The following COP1 variants were observed in gnomAD, a reference collection of about 807,000 sequenced individuals.
COP1 encodes the protein COP1 E3 ubiquitin ligase, also known as E3 ubiquitin-protein ligase COP1.
In COP1, 24 loss-of-function variants were observed where a neutral mutation model predicts 101.3. The ratio of observed to expected loss-of-function variants is 0.24; its 90% CI spans 0.17 to 0.33. COP1 has a LOEUF of 0.33. Among genes scored for constraint, COP1 ranks in the 10% least tolerant of loss-of-function variants. COP1 has a pLI of 1.00. For missense variants in COP1, 663 were observed against 906.2 expected (o/e 0.73, Z 3.45); for synonymous variants, 347 against 341.9 (o/e 1.01, Z -0.17).
At chr1:176,167,202 CTA>C (rs1695278319) in intron 3 of COP1, among the ~76,000 whole-genome samples, 1 of 152,170 alleles carries the variant, frequency 6.6e-6, no homozygotes, top group Non-Finnish European at 1.5e-5. Flanking sequence ...CCTTTCAAAA[CTA>C]TGTCACAGCT....
Position 176,064,804 on chromosome 1 carries a change from TG to T in COP1, c.1277+16347del, listed in dbSNP as rs565737033. 7.6e-3 allele frequency among the ~76,000 whole-genome samples: 1,161 copies of T among 151,918 alleles called. 7 individuals carry two copies. Among genetic ancestry groups the T allele is most frequent in the Non-Finnish European group, 0.014 (959 of 67,906 alleles). ...GGGCCCAGCCAATTTTTGCATTTTT[TG>T]TAGAGATGGAGTTTCACCATGTTGC... is the stretch of plus-strand genomic sequence containing the variant. On this transcript the variant is annotated intron_variant, in intron 11 of 19. Transcript: ENST00000367669.
At chr1:176,063,714 T>C (rs1010371612) in intron 11 of COP1, among the ~76,000 whole-genome samples, 1 of 152,210 alleles carries the variant, frequency 6.6e-6, no homozygotes, top group Non-Finnish European at 1.5e-5. Flanking sequence ...TAGGTTAGCT[T>C]TTGTCTTATT....
intron 11 of COP1, among the ~76,000 whole-genome samples, chr1:176,069,764 C>A (rs1000510842): frequency 6.6e-6 from 1 of 152,176 alleles, no homozygotes; most frequent in African/African-American, 2.4e-5. Flanking sequence ...AAGGCAGCAG[C>A]CTCCCTTCTA....
intron 18 of COP1, among the ~76,000 whole-genome samples, chr1:175,949,176 A>AAAAAAAAC: frequency 8.5e-6 from 1 of 117,406 alleles, no homozygotes; most frequent in Non-Finnish European, 2.0e-5. Flanking sequence ...CTCAAAAAAA[A>AAAAAAAAC]AAAAAAAAAA....
intron 15 of COP1, among the ~76,000 whole-genome samples, chr1:176,002,790 T>C (rs1662056616): frequency 6.6e-6 from 1 of 150,426 alleles, no homozygotes; most frequent in Admixed American, 6.7e-5. Flanking sequence ...AAGTCTTTGC[T>C]ATTGTGAATA....
intron 18 of COP1, among the ~76,000 whole-genome samples, chr1:175,962,379 A>C (rs1391517211): frequency 6.6e-6 from 1 of 152,132 alleles, no homozygotes; most frequent in Admixed American, 6.5e-5. Flanking sequence ...AACCTCACTA[A>C]CTAGCCCTTA....
intron 14 of COP1, among the ~76,000 whole-genome samples, chr1:176,038,628 A>T (rs1265403569): frequency 1.3e-5 from 2 of 151,986 alleles, no homozygotes; most frequent in Non-Finnish European, 2.9e-5. Flanking sequence ...GACCAGCCTG[A>T]CCAATATGGT....
intron 9 of COP1, among the ~76,000 whole-genome samples, chr1:176,100,581 A>G (rs1027918821): frequency 2.6e-5 from 4 of 152,150 alleles, no homozygotes; most frequent in Non-Finnish European, 4.4e-5. Flanking sequence ...AGGGATGGGT[A>G]ATGTAGAAAT....
intron 15 of COP1, among the ~76,000 whole-genome samples, chr1:176,018,918 C>A (rs1666153761): frequency 1.3e-5 from 2 of 151,952 alleles, no homozygotes; most frequent in Admixed American, 6.6e-5. Context: ...GTAATCCCAG[C>A]ACTTTGGGAG....
chr1:176,155,886 T>C (rs1327136920), intron 5 of COP1, among the ~76,000 whole-genome samples: 1 of 151,974 alleles, frequency 6.6e-6, no homozygotes, highest in Non-Finnish European at 1.5e-5. Context: ...CCAAAGCTTC[T>C]ATATAGAGCA....
chr1:176,203,835 A>G (rs1322403737), intron 1 of COP1, among the ~76,000 whole-genome samples: 1 of 152,218 alleles, frequency 6.6e-6, no homozygotes, highest in Non-Finnish European at 1.5e-5. Context: ...AATGTTTATT[A>G]CTGAAATTAG....
At chr1:176,112,614 A>C (rs937114826) in intron 9 of COP1, among the ~76,000 whole-genome samples, 1 of 152,218 alleles carries the variant, frequency 6.6e-6, no homozygotes, top group African/African-American at 2.4e-5. Flanking sequence ...ATAAAGTAAT[A>C]ACTATAATTT....
intron 3 of COP1, among the ~76,000 whole-genome samples, chr1:176,175,473 T>C (rs557360293): frequency 9.8e-5 from 15 of 152,320 alleles, no homozygotes; most frequent in African/African-American, 3.6e-4. Context: ...CAGATTCTCA[T>C]AAGGAGCGTG....
intron 9 of COP1, among the ~76,000 whole-genome samples, chr1:176,088,490 G>T (rs1680640759): frequency 6.6e-6 from 1 of 152,030 alleles, no homozygotes; most frequent in African/African-American, 2.4e-5. Flanking sequence ...TCGGTATTGT[G>T]GGATCACATG....
At chr1:175,981,514 A>C (rs986726834) in intron 18 of COP1, among the ~76,000 whole-genome samples, 3 of 152,170 alleles carry the variant, frequency 2.0e-5, no homozygotes, top group African/African-American at 7.2e-5. Flanking sequence ...CATATACAAC[A>C]CTCAACTCAA....
chr1:176,163,712 G>GA, intron 4 of COP1, 103 bp downstream of exon 4: 1 of 713,536 alleles, frequency 1.4e-6, no homozygotes, highest in Non-Finnish European at 2.3e-6. Context: ...CGCCTTTTAA[G>GA]AAAAATCAAT....
chr1:176,124,753 T>C (rs766227357), intron 8 of COP1, among the ~76,000 whole-genome samples: 5 of 152,184 alleles, frequency 3.3e-5, no homozygotes, highest in Non-Finnish European at 5.9e-5. Context: ...AACTCTTTCA[T>C]GTATACGTTT....
At chr1:176,153,321 C>T (rs1298428142) in intron 5 of COP1, among the ~76,000 whole-genome samples, 4 of 152,124 alleles carry the variant, frequency 2.6e-5, no homozygotes, top group African/African-American at 9.7e-5. Flanking sequence ...AAAAATACTA[C>T]AGTTTGGAAA....
chr1:176,004,845 G>A (rs76903933), intron 15 of COP1, among the ~76,000 whole-genome samples: 39,079 of 149,138 alleles, frequency 0.26, 6,198 homozygotes, highest in East Asian at 0.48. Context: ...CGGCTTTGGT[G>A]TCAGCATGAT....
Sources: gnomAD v4.1 joint callset for allele counts (sites outside exome capture counted in the v4.1 genomes callset) on GRCh38, gnomAD v4.1.1 for gene constraint, MANE v1.5 for transcripts, NCBI Gene and HGNC (gene_info 2026-07-23, HGNC 2026-07-21) for gene names.